ATP6V0D2: variants seen among roughly 807,000 people sequenced by gnomAD.
The protein encoded by ATP6V0D2 is V-type proton ATPase subunit d 2.
ATP6V0D2 carries 40 observed loss-of-function variants against 40.0 expected under a neutral mutation model. The ratio of observed to expected loss-of-function variants is 1.00; its 90% CI spans 0.78 to 1.30. The LOEUF (loss-of-function observed/expected upper bound fraction) is 1.30. ATP6V0D2 is among the 50% of genes most tolerant of loss of function. ATP6V0D2 has a pLI of 0.00. For missense variants in ATP6V0D2, 470 were observed against 423.1 expected (o/e 1.11, Z -0.97); for synonymous variants, 179 against 156.3 (o/e 1.15, Z -1.08).
At chr8:86,135,691 G>C (rs149180176) in intron 2 of ATP6V0D2, among the ~76,000 whole-genome samples, 8 of 152,234 alleles carry the variant, frequency 5.3e-5, no homozygotes, top group East Asian at 3.9e-4. Flanking sequence ...ACAGTTTTAG[G>C]TGACTATGAT....
chr8:86,114,129 A>G (rs1818564317), intron 2 of ATP6V0D2, among the ~76,000 whole-genome samples: 2 of 121,862 alleles, frequency 1.6e-5, no homozygotes, highest in Non-Finnish European at 3.8e-5. Flanking sequence ...GAATCTTTTC[A>G]GTTTTCATTT....
At chr8:86,114,501 C>G (rs919630480) in intron 2 of ATP6V0D2, among the ~76,000 whole-genome samples, 2 of 152,086 alleles carry the variant, frequency 1.3e-5, no homozygotes, top group South Asian at 2.1e-4. Flanking sequence ...GAAACCCCAT[C>G]TCTACTAAAA....
chr8:86,111,673 C>T (rs1818529101), intron 1 of ATP6V0D2, among the ~76,000 whole-genome samples: 1 of 152,186 alleles, frequency 6.6e-6, no homozygotes, highest in Non-Finnish European at 1.5e-5. Context: ...ACTTCAGCAA[C>T]ACTGAACTGC....
intron 1 of ATP6V0D2, among the ~76,000 whole-genome samples, chr8:86,106,547 T>A (rs948920137): frequency 2.0e-4 from 31 of 152,360 alleles, no homozygotes; most frequent in African/African-American, 7.5e-4. Context: ...ACCCCTGCAC[T>A]GTAGTTTACA....
chr8:86,100,738 C>T (rs771408291), intron 1 of ATP6V0D2, among the ~76,000 whole-genome samples: 3 of 151,892 alleles, frequency 2.0e-5, no homozygotes, highest in Non-Finnish European at 4.4e-5. Flanking sequence ...ACAGGGCTGA[C>T]TAAGTGTTTC....
chr8:86,113,812 A>G lies in ATP6V0D2; in HGVS notation c.234A>G (p.Leu78=). The G allele has an allele frequency of 1.2e-6, 2 of 1,613,992 alleles. No homozygotes were observed. Among genetic ancestry groups the G allele is most frequent in the Non-Finnish European group, 1.7e-6 (2 of 1,179,922 alleles). ...TTGACACTGAGATGAGGAAAAGACT[A>G]TGTGGAGAATTTGAGTATTTCCGGA... The part of the protein sequence containing the change: ...SKIDTEMRKR[L]CGEFEYFRNH... The change falls in exon 2 of 8, where the codon CTA becomes CTG. Residue 78 remains leucine (L), a synonymous_variant. Transcript: ENST00000285393.
At position 86,139,547 on chromosome 8, in the gene ATP6V0D2, C is replaced by T. The variant is rs1016084549; in HGVS notation, c.393C>T (p.Pro131=). ...AAGAAATTCTGGGGAAGTGCCACCC[C>T]TTGGGCCGTTTCACAGAAATGGAAG... ...SVKEILGKCH[P]LGRFTEMEAV... is the part of the protein sequence containing the mutation. The change falls in exon 3 of 8, where the codon CCC becomes CCT. Residue 131 remains proline, a synonymous_variant. Coordinates refer to ENST00000285393, the MANE Select transcript of ATP6V0D2 (RefSeq NM_152565.1). 2 of 1,613,852 alleles carry T rather than the reference C, an allele frequency of 1.2e-6. No homozygotes were observed. Among genetic ancestry groups the T allele is most frequent in the Non-Finnish European group, 8.5e-7 (1 of 1,179,868 alleles).
At chr8:86,138,813 A>G (rs555019755) in intron 2 of ATP6V0D2, among the ~76,000 whole-genome samples, 1 of 152,302 alleles carries the variant, frequency 6.6e-6, no homozygotes, top group South Asian at 2.1e-4. Context: ...TGATAAACCA[A>G]ACAAGTTCAC....
At position 86,153,631 on chromosome 8, in the gene ATP6V0D2, T is replaced by C. The variant is rs1018248758; in HGVS notation, c.*654T>C. The C allele has an allele frequency of 2.0e-5, 3 of 152,330 alleles. No homozygotes were observed. The highest frequency in any genetic ancestry group is 6.5e-5 in the Admixed American group (1 of 15,276). 9.4% of individuals were successfully genotyped at this position (152,330 alleles called of 1,614,324 possible). On this transcript the variant is annotated 3_prime_UTR_variant, in exon 8 of 8. Coordinates refer to ENST00000285393, the MANE Select transcript of ATP6V0D2 (RefSeq NM_152565.1). Reference sequence around the variant, plus strand: ...CCCTTGGCCTCCCAAAGTGTTGGGATTACATGCATGAGCCACTGTGCTGGG... The same window carrying C: ...CCCTTGGCCTCCCAAAGTGTTGGGACTACATGCATGAGCCACTGTGCTGGG...
chr8:86,126,220 A>C (rs1444833143), intron 2 of ATP6V0D2, among the ~76,000 whole-genome samples: 1 of 137,762 alleles, frequency 7.3e-6, no homozygotes, highest in Non-Finnish European at 1.6e-5. Flanking sequence ...TATAGGCGTG[A>C]ACTACCGTGC....
At chr8:86,103,074 T>C (rs993626809) in intron 1 of ATP6V0D2, among the ~76,000 whole-genome samples, 4 of 152,140 alleles carry the variant, frequency 2.6e-5, no homozygotes, top group Middle Eastern at 3.4e-3. Flanking sequence ...ATGACAACAG[T>C]GTCCACTGGC....
intron 2 of ATP6V0D2, among the ~76,000 whole-genome samples, chr8:86,126,292 GTAC>G (rs1398805642): frequency 1.5e-4 from 18 of 120,050 alleles, no homozygotes; most frequent in African/African-American, 4.8e-4. Flanking sequence ...AAGTTCAGGT[GTAC>G]ATGTGCAGGA....
At chr8:86,145,245 G>A (rs201367835) in intron 5 of ATP6V0D2, among the ~76,000 whole-genome samples, 55 of 40,664 alleles carry the variant, frequency 1.4e-3, no homozygotes, top group African/African-American at 2.0e-3. Context: ...GAGAGAGAGA[G>A]AGAGAGAGAG....
chr8:86,111,317 G>A (rs112530648), intron 1 of ATP6V0D2, among the ~76,000 whole-genome samples: 260 of 151,950 alleles, frequency 1.7e-3, no homozygotes, highest in Non-Finnish European at 3.0e-3. Flanking sequence ...CTCCCAAAGT[G>A]TTGGGATTAC....
chr8:86,149,077 C>CAAAAT (rs1819109621), intron 5 of ATP6V0D2, among the ~76,000 whole-genome samples: 1 of 35,776 alleles, frequency 2.8e-5, no homozygotes, highest in African/African-American at 1.2e-4. Context: ...AAAAAAAAAC[C>CAAAAT]AATGAACAAG....
At chr8:86,106,227 G>A (rs1818469668) in intron 1 of ATP6V0D2, among the ~76,000 whole-genome samples, 1 of 151,884 alleles carries the variant, frequency 6.6e-6, no homozygotes, top group Non-Finnish European at 1.5e-5. Flanking sequence ...CAATCTCCTA[G>A]GCTCAAGTGA....
chr8:86,128,888 T>C (rs916079790), intron 2 of ATP6V0D2, among the ~76,000 whole-genome samples: 2 of 152,202 alleles, frequency 1.3e-5, no homozygotes, highest in Non-Finnish European at 2.9e-5. Context: ...TAATCTCCTA[T>C]TATCTAAGAG....
At chr8:86,143,750 G>A (rs905441236) in intron 5 of ATP6V0D2, among the ~76,000 whole-genome samples, 1 of 152,182 alleles carries the variant, frequency 6.6e-6, no homozygotes, top group Non-Finnish European at 1.5e-5. Flanking sequence ...TAGGAATGCA[G>A]CCCAGTAGGT....
At chr8:86,151,974 T>G (rs1464990801) in intron 7 of ATP6V0D2, among the ~76,000 whole-genome samples, 2 of 152,092 alleles carry the variant, frequency 1.3e-5, no homozygotes, top group African/African-American at 4.8e-5. Flanking sequence ...GTGCAGAATG[T>G]GCAGGTTTTG....
Sources: allele counts gnomAD v4.1 joint callset (sites outside exome capture counted in the v4.1 genomes callset), GRCh38; gene constraint gnomAD v4.1.1; transcripts MANE v1.5; gene names NCBI Gene and HGNC (gene_info 2026-07-23, HGNC 2026-07-21).